Variants in MMAA observed in about 807,000 individuals in gnomAD.
The protein encoded by MMAA is methylmalonic aciduria type A protein, mitochondrial.
A neutral mutation model predicts 45.0 loss-of-function variants in MMAA; 41 were observed. That is an observed-to-expected ratio of 0.91 (90% CI 0.71 to 1.18). MMAA has a LOEUF of 1.18. Among genes scored for constraint, MMAA ranks in the 50% most tolerant of loss-of-function variants. The pLI is 0.00. For synonymous variants in MMAA, 154 were observed against 178.2 expected (o/e 0.86, Z 1.08); for missense variants, 460 against 495.7 (o/e 0.93, Z 0.68).
At chr4:145,648,390 C>T (rs552532466) in intron 4 of MMAA, among the ~76,000 whole-genome samples, 2 of 152,240 alleles carry the variant, frequency 1.3e-5, no homozygotes, top group African/African-American at 4.8e-5. Context: ...TTGTGATCCG[C>T]CCGCCTCGGC....
At chr4:145,636,452 A>G (rs1291674930) in intron 1 of MMAA, among the ~76,000 whole-genome samples, 2 of 152,164 alleles carry the variant, frequency 1.3e-5, no homozygotes, top group African/African-American at 4.8e-5. Context: ...GGTCTCTGTC[A>G]TTTGTCCACT....
intron 6 of MMAA, among the ~76,000 whole-genome samples, chr4:145,654,801 C>T (rs1728182363): frequency 2.6e-5 from 4 of 152,268 alleles, no homozygotes; most frequent in Non-Finnish European, 5.9e-5. Context: ...TTTTCTGGCA[C>T]TCAGTCCTCA....
At chr4:145,622,430 G>A (rs1162074389) in intron 1 of MMAA, among the ~76,000 whole-genome samples, 1 of 151,932 alleles carries the variant, frequency 6.6e-6, no homozygotes, top group Non-Finnish European at 1.5e-5. Context: ...CCTGAAATCA[G>A]ACTAATATAC....
intron 1 of MMAA, among the ~76,000 whole-genome samples, chr4:145,634,237 C>G (rs960039177): frequency 6.6e-6 from 1 of 152,184 alleles, no homozygotes; most frequent in African/African-American, 2.4e-5. Flanking sequence ...CTACGTGATG[C>G]TGTGTTCTAC....
chr4:145,639,043 C>T (rs962123727), intron 1 of MMAA, 32 bp from the exon 2 acceptor site: 5 of 1,125,112 alleles, frequency 4.4e-6, no homozygotes, highest in Admixed American at 3.5e-5. Flanking sequence ...AGTTATATAT[C>T]GAACTGGCTA....
chr4:145,623,367 T>A (rs1481148406), intron 1 of MMAA, among the ~76,000 whole-genome samples: 1 of 152,238 alleles, frequency 6.6e-6, no homozygotes, highest in African/African-American at 2.4e-5. Flanking sequence ...ACTAGGGTTC[T>A]TTTGAACCCC....
intron 1 of MMAA, among the ~76,000 whole-genome samples, chr4:145,630,088 T>G (rs1220309734): frequency 6.6e-6 from 1 of 152,234 alleles, no homozygotes; most frequent in Non-Finnish European, 1.5e-5. Context: ...TGGTATTAGT[T>G]CTTTAAATGT....
At chr4:145,627,242 GC>G (rs1228569279) in intron 1 of MMAA, among the ~76,000 whole-genome samples, 2 of 152,132 alleles carry the variant, frequency 1.3e-5, no homozygotes, top group Non-Finnish European at 2.9e-5. Context: ...ATGTAGTAAA[GC>G]TTTTGTTACT....
intron 1 of MMAA, chr4:145,625,707 TG>T: frequency 1.4e-6 from 2 of 1,467,620 alleles, no homozygotes; most frequent in Non-Finnish European, 1.9e-6. Flanking sequence ...ATCTTTGTTT[TG>T]GGTACACTCC....
intron 4 of MMAA, chr4:145,650,729 A>G (rs1728066156): frequency 5.9e-6 from 2 of 337,376 alleles, no homozygotes; most frequent in African/African-American, 4.2e-5. Flanking sequence ...ATTTGTAGGC[A>G]TGATTCAAGA....
chr4:145,638,321 A>G, intron 1 of MMAA, among the ~76,000 whole-genome samples: 1 of 152,210 alleles, frequency 6.6e-6, no homozygotes, highest in South Asian at 2.1e-4. Context: ...GTGAGCCGAG[A>G]TGACGCCACT....
In MMAA at chr4:145,655,340, A is replaced by G; in HGVS notation, c.1163A>G (p.Gln388Arg). The change falls in exon 7 of 7, where the codon CAG (glutamine) becomes CGG (arginine). Residue 388 changes from glutamine to arginine, a missense_variant. Transcript: ENST00000649156. ...AGGACCCACCCCACAGTCCGGGAAC[A>G]GATTCCACTTCTGGAACAAAAGGTT... ...HFRTHPTVRE[Q>R]IPLLEQKVLI... 1.2e-6 allele frequency: 2 copies of G among 1,614,240 alleles called. No homozygotes were observed. The highest frequency in any genetic ancestry group is 8.5e-7 in the Non-Finnish European group (1 of 1,180,042).
intron 1 of MMAA, among the ~76,000 whole-genome samples, chr4:145,638,119 C>G (rs1484555252): frequency 1.3e-5 from 2 of 152,170 alleles, no homozygotes; most frequent in African/African-American, 4.8e-5. Flanking sequence ...CCTGTAATCC[C>G]AGCACTTTGG....
intron 1 of MMAA, among the ~76,000 whole-genome samples, chr4:145,629,219 C>T (rs1734271364): frequency 1.3e-5 from 2 of 152,176 alleles, no homozygotes; most frequent in Non-Finnish European, 2.9e-5. Flanking sequence ...CAAGCTCTGC[C>T]TCCTGCGTTC....
chr4:145,634,923 AG>A (rs1189364049), intron 1 of MMAA, among the ~76,000 whole-genome samples: 1 of 151,820 alleles, frequency 6.6e-6, no homozygotes, highest in Non-Finnish European at 1.5e-5. Flanking sequence ...AGGATATCCA[AG>A]ATGCAAGATA....
At chr4:145,642,879 G>T in intron 3 of MMAA, 3 of 257,210 alleles carry the variant, frequency 1.2e-5, no homozygotes, top group South Asian at 1.0e-4. Flanking sequence ...TCCTCATAAT[G>T]TTTTAACATC....
chr4:145,648,720 C>T (rs1186379640), intron 4 of MMAA, among the ~76,000 whole-genome samples: 2 of 152,272 alleles, frequency 1.3e-5, no homozygotes, highest in African/African-American at 4.8e-5. Flanking sequence ...CATTGTGGCC[C>T]CAGCCTGTAA....
At chr4:145,624,987 C>A (rs1734171429) in intron 1 of MMAA, 2 of 1,005,500 alleles carry the variant, frequency 2.0e-6, no homozygotes, top group Admixed American at 1.8e-5. Flanking sequence ...GTACAGGAGT[C>A]AGTCTTGACA....
chr4:145,639,824 G>C (rs1727732560), intron 2 of MMAA: 2 of 984,308 alleles, frequency 2.0e-6, no homozygotes, highest in African/African-American at 1.7e-5. Context: ...CAAGAATCTT[G>C]CTCTGGATCC....
Sources: allele counts gnomAD v4.1 joint callset (sites outside exome capture counted in the v4.1 genomes callset), GRCh38; gene constraint gnomAD v4.1.1; transcripts MANE v1.5; gene names NCBI Gene and HGNC (gene_info 2026-07-23, HGNC 2026-07-21).